PIK3R4: variants seen among roughly 807,000 people sequenced by gnomAD.
PIK3R4 encodes phosphoinositide 3-kinase regulatory subunit 4.
In PIK3R4, 46 loss-of-function variants were observed where a neutral mutation model predicts 136.5. That is an observed-to-expected ratio of 0.34 (90% confidence interval 0.27 to 0.43). The LOEUF is 0.43. Ranked by LOEUF, PIK3R4 falls within the 20% of genes least tolerant of loss-of-function variation. PIK3R4 has a pLI of 1.00. For missense variants in PIK3R4, 1,331 were observed against 1,649.5 expected, an observed-to-expected ratio of 0.81 and a Z score of 3.35; for synonymous variants, 557 against 566.7, an observed-to-expected ratio of 0.98 and a Z score of 0.24.
At chr3:130,686,661 T>C (rs2066492848) in intron 14 of PIK3R4, among the ~76,000 whole-genome samples, 1 of 152,192 alleles carries the variant, frequency 6.6e-6, no homozygotes, top group South Asian at 2.1e-4. Context: ...TATATAACCA[T>C]AGAACATTTA....
chr3:130,727,764 T>G (rs1009064072), intron 6 of PIK3R4, among the ~76,000 whole-genome samples: 1 of 152,186 alleles, frequency 6.6e-6, no homozygotes, highest in South Asian at 2.1e-4. Context: ...TCAGTTATTA[T>G]TCAAAAGAGA....
At position 130,733,801 on chromosome 3, in the gene PIK3R4, C is replaced by T. The variant is rs749098391; in HGVS notation, c.1197G>A (p.Leu399=). 7 of 1,614,088 alleles carry T rather than the reference C, an allele frequency of 4.3e-6. No individual in the cohort carries two copies. The highest frequency in any genetic ancestry group is 1.7e-5 in the Admixed American group (1 of 60,020). Residue 399 remains leucine (L), a synonymous_variant, in exon 4 of 20, where the codon TTG becomes TTA. Transcript: ENST00000356763. ...TTGGAGCCAAATGAAGAATCAGTTC[C>T]AAAGCAGCTAGTTTGGAATCACAGT... ...LKYCDSKLAA[L]ELILHLAPRL...
chr3:130,721,745 G>C (rs575150627), intron 7 of PIK3R4, among the ~76,000 whole-genome samples: 1 of 152,240 alleles, frequency 6.6e-6, no homozygotes, highest in South Asian at 2.1e-4. Context: ...GGGGTAGAAG[G>C]GAGGGTGGAA....
rs2066783753 is a variant in PIK3R4 at position 130,735,985 on chromosome 3, G to C, written c.751C>G (p.Leu251Val). 6.2e-7 allele frequency: 1 copy of C among 1,609,588 alleles called. No homozygotes were observed. ...AATAATGGTACACCTTCTGTAAAAA[G>C]CTCAGCTATCACACAACCTGAAAAA... ...IFSAGCVIAE[L>V]FTEGVPLFDL... The change falls in exon 3 of 20, where the codon CTT (leucine) becomes GTT (valine). Residue 251 changes from leucine (L) to valine (V), a missense_variant. This residue lies in a region of PIK3R4 where 1,180 missense variants were observed against 1,407.0 expected (regional missense o/e 0.84). Transcript: ENST00000356763.
chr3:130,686,221 C>A lies in PIK3R4; in HGVS notation c.3465G>T (p.Trp1155Cys). The A allele has an allele frequency of 6.2e-7, 1 of 1,602,870 alleles. No homozygotes were observed. Among genetic ancestry groups the A allele is most frequent in the Non-Finnish European group, 8.5e-7 (1 of 1,169,968 alleles). The change falls in exon 15 of 20, where the codon TGG becomes TGT. Residue 1155 changes from tryptophan (W) to cysteine (C), a missense_variant. By Grantham distance (215) the Trp-to-Cys change is radical. This residue lies in a region of PIK3R4 where 1,180 missense variants were observed against 1,407.0 expected (regional missense o/e 0.84). Coordinates refer to ENST00000356763, the MANE Select transcript of PIK3R4 (RefSeq NM_014602.3). Reference protein sequence around the residue: ...TSFAVDIHQCWLCIGTSSGTM... With the variant: ...TSFAVDIHQCCLCIGTSSGTM... Reference sequence around the variant, plus strand: ...TGAAAGTTAGCTTACCAATGCAGAGCCAGCATTGGTGGATGTCCACAGCAA... The same window carrying A: ...TGAAAGTTAGCTTACCAATGCAGAGACAGCATTGGTGGATGTCCACAGCAA...
rs1291884802 is a variant in PIK3R4, at chr3:130,705,660, G to C, written c.2833C>G (p.Gln945Glu). Residue 945 changes from glutamine (Q) to glutamate (E), a missense_variant, in exon 12 of 20, where the codon CAG becomes GAG. By Grantham distance (29) the Gln-to-Glu change is conservative. Transcript: ENST00000356763. Reference protein sequence around the residue: ...IRITTCKTELQQLIQQKREQC... With the variant: ...IRITTCKTELEQLIQQKREQC... ...TCCCGCTTTTGCTGGATGAGTTGCTGAAGTTCAGTTTTACAAGTTGTAATT... is the reference window on the plus strand; with the variant it reads ...TCCCGCTTTTGCTGGATGAGTTGCTCAAGTTCAGTTTTACAAGTTGTAATT... 17 of 1,613,024 alleles carry C rather than the reference G, an allele frequency of 1.1e-5. No individual in the cohort carries two copies. The highest frequency in any genetic ancestry group is 1.3e-5 in the Non-Finnish European group (15 of 1,179,128).
intron 10 of PIK3R4, 103 bp from the exon 11 acceptor site, chr3:130,707,238 A>G (rs887054838): frequency 1.4e-4 from 87 of 605,032 alleles, no homozygotes; most frequent in Non-Finnish European, 2.1e-4. Context: ...AGGGATAGCA[A>G]TACACTTCAT....
chr3:130,726,158 GA>G (rs1475535375), intron 6 of PIK3R4, among the ~76,000 whole-genome samples: 2 of 151,492 alleles, frequency 1.3e-5, no homozygotes, highest in Non-Finnish European at 3.0e-5. Flanking sequence ...ATATATGACA[GA>G]AAAAAATGAA....
intron 2 of PIK3R4, among the ~76,000 whole-genome samples, chr3:130,738,602 C>G (rs888331434): frequency 6.6e-6 from 1 of 151,466 alleles, no homozygotes; most frequent in Non-Finnish European, 1.5e-5. Flanking sequence ...TCACTACACA[C>G]TAAAAGAATT....
Position 130,679,280 on chromosome 3 carries a change from TTATAAC to T in PIK3R4, c.*29_*34del. The T allele has an allele frequency of 7.5e-7, 1 of 1,325,230 alleles. No homozygotes were observed. The highest frequency in any genetic ancestry group is 1.4e-5 in the South Asian group (1 of 69,184). 82.1% of individuals were successfully genotyped at this position (1,325,230 alleles called of 1,614,324 possible). On this transcript the variant is annotated 3_prime_UTR_variant, in exon 20 of 20. Coordinates refer to ENST00000356763, the MANE Select transcript of PIK3R4 (RefSeq NM_014602.3). ...CTTTTCTCGAGTTATAGTATTATAT[TTATAAC>T]TATTAAAATTTATACAAATCAGTAG...
rs917819849 is a variant in PIK3R4 at position 130,682,619 on chromosome 3, G to A, written c.3608-1028C>T. 3.4e-4 allele frequency among the ~76,000 whole-genome samples: 51 copies of A among 152,066 alleles called. 2 individuals carry two copies. ...TCTCACAGTCACTGCTCCTTTCAAG[G>A]TGGCCTTCTCTACTCCTTCCCAAAT... On this transcript the variant is annotated intron_variant, in intron 16 of 19. Transcript: ENST00000356763.
rs758612999 is a variant in PIK3R4 at position 130,745,095 on chromosome 3, G to C, written c.124C>G (p.Arg42Gly). 1.2e-6 allele frequency: 2 copies of C among 1,613,528 alleles called. No individual in the cohort carries two copies. Among genetic ancestry groups the C allele is most frequent in the Non-Finnish European group, 1.7e-6 (2 of 1,179,932 alleles). Residue 42 changes from arginine (R) to glycine (G), a missense_variant, in exon 2 of 20, where the codon CGA becomes GGA. Physicochemically the swap from Arg to Gly is moderately radical, Grantham distance 125 (BLOSUM62 -2). Around this residue, in one of 2 missense-constraint regions of PIK3R4, gnomAD observed 151 missense variants for 242.5 expected, o/e 0.62. Transcript: ENST00000356763. Reference sequence around the variant, plus strand: ...ACCAGGCCTTCTCGGTGCTTGGCTCGAGCAACTTTAAAAAACCGAGTACTC... The same window carrying C: ...ACCAGGCCTTCTCGGTGCTTGGCTCCAGCAACTTTAAAAAACCGAGTACTC... ...LGSTRFFKVA[R>G]AKHREGLVVV...
chr3:130,728,778 T>C, intron 5 of PIK3R4, 94 bp from the exon 6 acceptor site: 1 of 825,504 alleles, frequency 1.2e-6, no homozygotes, highest in Non-Finnish European at 1.8e-6. Context: ...CAGTCTTCTT[T>C]CTTACTCATC....
chr3:130,679,157 T>G lies in PIK3R4; in HGVS notation c.*158A>C. ...ATAAGTAAACTAGTCAAGTACATCT[T>G]AACCATTTTGGGTGTCATTTAGTCA... On this transcript the variant is annotated 3_prime_UTR_variant, in exon 20 of 20. Transcript: ENST00000356763. 2.4e-6 allele frequency: 1 copy of G among 422,224 alleles called. No homozygotes were observed. 26.2% of individuals were successfully genotyped at this position (422,224 alleles called of 1,614,324 possible).
intron 9 of PIK3R4, 147 bp downstream of exon 9, chr3:130,716,249 C>CA: frequency 1.6e-6 from 1 of 639,880 alleles, no homozygotes; most frequent in Non-Finnish European, 2.7e-6. Flanking sequence ...GAATCAAAAG[C>CA]AAATGCCTAA....
intron 11 of PIK3R4, 57 bp from the exon 12 acceptor site, chr3:130,705,828 C>A: frequency 9.7e-7 from 1 of 1,036,142 alleles, no homozygotes. Flanking sequence ...TATTTGAAGA[C>A]AGAAGTGTAT....
chr3:130,706,847 C>CA (rs2066608669), intron 11 of PIK3R4, 101 bp downstream of exon 11: 3 of 774,578 alleles, frequency 3.9e-6, no homozygotes, highest in Non-Finnish European at 5.7e-6. Flanking sequence ...GACAAGTCAC[C>CA]ATATTGATTT....
chr3:130,700,253 C>CA (rs1307361300), intron 13 of PIK3R4, among the ~76,000 whole-genome samples: 32 of 152,192 alleles, frequency 2.1e-4, no homozygotes, highest in African/African-American at 7.7e-4. Flanking sequence ...CCAGTGACTC[C>CA]AAAACATGTA....
intron 7 of PIK3R4, among the ~76,000 whole-genome samples, chr3:130,721,576 C>T (rs1458060126): frequency 6.6e-6 from 1 of 152,116 alleles, no homozygotes; most frequent in African/African-American, 2.4e-5. Flanking sequence ...TAAAAATATC[C>T]TGTTATTTGC....
Sources: allele counts gnomAD v4.1 joint callset (sites outside exome capture counted in the v4.1 genomes callset), GRCh38; gene constraint gnomAD v4.1.1; regional missense constraint gnomAD v4.1.1; transcripts MANE v1.5; gene names NCBI Gene and HGNC (gene_info 2026-07-23, HGNC 2026-07-21).